The following MALRD1 variants were observed in gnomAD, a reference collection of about 807,000 sequenced individuals.
MALRD1 encodes the protein MAM and LDL-receptor class A domain-containing protein 1.
A neutral mutation model predicts 242.1 loss-of-function variants in MALRD1; 247 were observed. The observed-to-expected ratio is 1.02, with a 90% CI of 0.92 to 1.13. The LOEUF (loss-of-function observed/expected upper bound fraction) is 1.13. MALRD1 is among the 50% of genes most tolerant of loss of function. The probability of loss-of-function intolerance (pLI) is 0.00; values close to 1 mark genes in which losing one functional copy is unlikely to be tolerated. For synonymous variants in MALRD1, 995 were observed against 866.6 expected (o/e 1.15, Z -2.60); for missense variants, 2,989 against 2,533.1 (o/e 1.18, Z -3.86).
intron 21 of MALRD1, among the ~76,000 whole-genome samples, chr10:19,310,873 A>G (rs1178307830): frequency 6.6e-6 from 1 of 151,486 alleles, no homozygotes; most frequent in Non-Finnish European, 1.5e-5. Context: ...TGCATGTCCC[A>G]GAATACCATC....
intron 31 of MALRD1, among the ~76,000 whole-genome samples, chr10:19,513,499 G>A (rs1029891745): frequency 3.0e-4 from 45 of 151,560 alleles, no homozygotes; most frequent in African/African-American, 1.1e-3. Context: ...CAGCACTTTG[G>A]GAGGCCGAGG....
intron 26 of MALRD1, among the ~76,000 whole-genome samples, chr10:19,373,907 C>T (rs1845491665): frequency 1.3e-5 from 2 of 152,168 alleles, no homozygotes; most frequent in Admixed American, 6.5e-5. Context: ...CAATTCAAAA[C>T]AATTTGTGAC....
At chr10:19,474,644 T>G (rs1455172518) in intron 29 of MALRD1, among the ~76,000 whole-genome samples, 26 of 152,008 alleles carry the variant, frequency 1.7e-4, no homozygotes, top group Non-Finnish European at 2.5e-4. Flanking sequence ...TATAACTTTA[T>G]TTAGAAAGTA....
In MALRD1 at chr10:19,478,414, G is replaced by A. The variant is rs190895556; in HGVS notation, c.5030-13103G>A. On this transcript the variant is annotated intron_variant, in intron 29 of 39. Coordinates refer to ENST00000454679, the MANE Select transcript of MALRD1 (RefSeq NM_001142308.3). ...AGTGGAGATGAGCTAGGAGCAATCT[G>A]TGCACTCCCCTCTCAATATAGCAAT... is the stretch of plus-strand genomic sequence containing the variant. Among the ~76,000 whole-genome samples the A allele has an allele frequency of 1.8e-4, 28 of 152,214 alleles. No homozygotes were observed. In the East Asian group the frequency reaches 5.4e-3, roughly 29 times the overall value.
intron 2 of MALRD1, among the ~76,000 whole-genome samples, chr10:19,081,582 T>G (rs1057257647): frequency 3.3e-5 from 5 of 151,862 alleles, no homozygotes; most frequent in African/African-American, 1.2e-4. Flanking sequence ...CAGGGACACA[T>G]GGCAGGGAAC....
intron 29 of MALRD1, among the ~76,000 whole-genome samples, chr10:19,490,827 G>A (rs1837458881): frequency 1.3e-5 from 2 of 152,010 alleles, no homozygotes; most frequent in South Asian, 4.1e-4. Context: ...ATTAAACACT[G>A]TCCATACTTT....
intron 36 of MALRD1, among the ~76,000 whole-genome samples, chr10:19,662,469 C>T (rs188046100): frequency 2.6e-4 from 40 of 152,160 alleles, no homozygotes; most frequent in African/African-American, 5.1e-4. Flanking sequence ...ATACTATTTT[C>T]GAGTTTAATA....
At chr10:19,375,090 G>A (rs1235942948) in intron 26 of MALRD1, among the ~76,000 whole-genome samples, 1 of 152,030 alleles carries the variant, frequency 6.6e-6, no homozygotes, top group Non-Finnish European at 1.5e-5. Flanking sequence ...TTATTGACCG[G>A]AGGGAAAAGA....
chr10:19,341,138 T>A (rs986827025), intron 24 of MALRD1, among the ~76,000 whole-genome samples: 4 of 152,026 alleles, frequency 2.6e-5, no homozygotes, highest in Non-Finnish European at 5.9e-5. Context: ...TCTTTCTATA[T>A]TTTTTACAAC....
chr10:19,283,830 T>C (rs1840951418), intron 21 of MALRD1, among the ~76,000 whole-genome samples: 1 of 152,228 alleles, frequency 6.6e-6, no homozygotes, highest in South Asian at 2.1e-4. Flanking sequence ...TATTATAAAG[T>C]TGCTTCAAAG....
intron 19 of MALRD1, among the ~76,000 whole-genome samples, chr10:19,275,682 A>T (rs1307609171): frequency 6.6e-6 from 1 of 152,104 alleles, no homozygotes; most frequent in Non-Finnish European, 1.5e-5. Flanking sequence ...AAATAAAAAT[A>T]AAAATAAAAT....
intron 14 of MALRD1, among the ~76,000 whole-genome samples, chr10:19,190,025 A>G (rs1835904095): frequency 6.6e-6 from 1 of 152,148 alleles, no homozygotes; most frequent in African/African-American, 2.4e-5. Context: ...AATAAAAGTC[A>G]TACAAATTGG....
intron 11 of MALRD1, among the ~76,000 whole-genome samples, chr10:19,148,393 C>T (rs563841357): frequency 6.6e-6 from 1 of 151,862 alleles, no homozygotes; most frequent in African/African-American, 2.4e-5. Flanking sequence ...AAAGTAGCTT[C>T]CCTGTGGAGT....
intron 18 of MALRD1, among the ~76,000 whole-genome samples, chr10:19,245,924 A>G (rs1438601373): frequency 3.9e-5 from 6 of 152,216 alleles, no homozygotes; most frequent in Non-Finnish European, 5.9e-5. Flanking sequence ...CCTAAATAGC[A>G]TCAAGGACCC....
intron 34 of MALRD1, among the ~76,000 whole-genome samples, chr10:19,595,795 C>T (rs1318657741): frequency 1.3e-5 from 2 of 152,066 alleles, no homozygotes; most frequent in Non-Finnish European, 2.9e-5. Flanking sequence ...TTTCTTCCTA[C>T]CATAAAGGTT....
At chr10:19,200,829 T>C (rs1038520738) in intron 14 of MALRD1, among the ~76,000 whole-genome samples, 22 of 151,996 alleles carry the variant, frequency 1.4e-4, no homozygotes, top group Non-Finnish European at 7.4e-5. Context: ...GCCATTTAGG[T>C]AATTTTTCTC....
chr10:19,374,659 A>T (rs1444044284), intron 26 of MALRD1, among the ~76,000 whole-genome samples: 2 of 152,186 alleles, frequency 1.3e-5, no homozygotes, highest in Non-Finnish European at 2.9e-5. Context: ...GATTCAAGCA[A>T]CTCAGTGTCC....
rs529852744 is a variant in MALRD1 at position 19,061,593 on chromosome 10, C to T, written c.200-5126C>T. ...AGTGTGGTATTGACATAAAGACAGC[C>T]ATCTAGACCATGGAATAGAATAGAG... On this transcript the variant is annotated intron_variant, in intron 1 of 39. Coordinates refer to ENST00000454679, the MANE Select transcript of MALRD1 (RefSeq NM_001142308.3). Among the ~76,000 whole-genome samples the T allele has an allele frequency of 1.2e-4, 18 of 152,208 alleles. No homozygotes were observed. The South Asian group carries it at 3.1e-3, about 26-fold the overall frequency.
At chr10:19,138,289 C>T (rs2131417928) in intron 10 of MALRD1, among the ~76,000 whole-genome samples, 1 of 152,112 alleles carries the variant, frequency 6.6e-6, no homozygotes, top group Middle Eastern at 3.4e-3. Context: ...AAGTTTCTTT[C>T]TATGTTTTAT....
Sources: gnomAD v4.1 joint callset for allele counts (sites outside exome capture counted in the v4.1 genomes callset) on GRCh38, gnomAD v4.1.1 for gene constraint, MANE v1.5 for transcripts, NCBI Gene and HGNC (gene_info 2026-07-23, HGNC 2026-07-21) for gene names.